The following OTC variants were observed in gnomAD, a reference collection of about 807,000 sequenced individuals.
OTC encodes the protein ornithine transcarbamylase.
Under a neutral mutation model 30.3 loss-of-function variants are expected in OTC, and 3 were observed. The observed-to-expected ratio is 0.10, with a 90% confidence interval of 0.05 to 0.26. The LOEUF (loss-of-function observed/expected upper bound fraction) is 0.26, where lower values mean the gene tolerates loss of function less well. Ranked by LOEUF, OTC falls within the 10% of genes least tolerant of loss-of-function variation. OTC has a pLI of 1.00. For synonymous variants in OTC, 111 were observed against 99.7 expected, an observed-to-expected ratio of 1.11 and a Z score of -0.67; for missense variants, 194 against 260.3, an observed-to-expected ratio of 0.75 and a Z score of 1.75.
chrX:38,390,094 T>C (rs1268962239), intron 4 of OTC, among the ~76,000 whole-genome samples: 2 of 112,097 alleles, frequency 1.8e-5, no homozygotes, highest in Non-Finnish European at 3.8e-5. Flanking sequence ...CTCTAAGGTC[T>C]TCAAACTTGG....
the OTC span, among the ~76,000 whole-genome samples, chrX:38,330,985 T>C: frequency 8.9e-6 from 1 of 111,930 alleles, no homozygotes; most frequent in African/African-American, 3.3e-5. Context: ...CTTACTAAAA[T>C]GCAAGTTCTA....
chrX:38,341,716 A>G, the OTC span, among the ~76,000 whole-genome samples: 3 of 111,640 alleles, frequency 2.7e-5, no homozygotes, highest in South Asian at 1.1e-3. Flanking sequence ...TTCATCTTAA[A>G]TGGGATAGGT....
intron 4 of OTC, among the ~76,000 whole-genome samples, chrX:38,387,199 C>T (rs1383252983): frequency 1.8e-5 from 2 of 111,383 alleles, no homozygotes; most frequent in Non-Finnish European, 3.8e-5. Flanking sequence ...TGGACATTAA[C>T]CCCTTGTGAG....
chrX:38,343,390 G>A, the OTC span, among the ~76,000 whole-genome samples: 1 of 111,948 alleles, frequency 8.9e-6, no homozygotes, highest in African/African-American at 3.3e-5. Context: ...TTCCAATGGG[G>A]AGGAATTGGA....
intron 1 of OTC, among the ~76,000 whole-genome samples, chrX:38,361,425 A>T (rs1187534044): frequency 8.9e-6 from 1 of 112,492 alleles, no homozygotes; most frequent in African/African-American, 3.2e-5. Flanking sequence ...GTAGATATAC[A>T]GCCAGAGGAA....
intron 1 of OTC, among the ~76,000 whole-genome samples, chrX:38,362,671 C>G (rs917445320): frequency 1.8e-5 from 2 of 111,749 alleles, no homozygotes; most frequent in Non-Finnish European, 3.8e-5. Context: ...TAACCCTAAC[C>G]CTAACTACAA....
rs745416482 is a variant in OTC at position 38,385,447 on chromosome X, G to A, written c.386+4018G>A. Reference sequence around the variant, plus strand: ...CCGGGTTATTTGTTGGTGGGGTGGCGGCTGCCTTAGATTGGGTGGTCAGGG... The same window carrying A: ...CCGGGTTATTTGTTGGTGGGGTGGCAGCTGCCTTAGATTGGGTGGTCAGGG... On this transcript the variant is annotated intron_variant, in intron 4 of 9. Coordinates refer to ENST00000039007, the MANE Select transcript of OTC (RefSeq NM_000531.6). Among the ~76,000 whole-genome samples the A allele has an allele frequency of 9.9e-5, 11 of 111,341 alleles. No homozygotes were observed. In the South Asian group the frequency reaches 1.9e-3, roughly 20 times the overall value.
chrX:38,345,971 G>T, the OTC span, among the ~76,000 whole-genome samples: 2 of 111,750 alleles, frequency 1.8e-5, no homozygotes, highest in East Asian at 5.6e-4. Flanking sequence ...AGTTAGTTCA[G>T]CCTCTGCCCA....
the OTC span, chrX:38,327,702 C>T: frequency 5.7e-6 from 2 of 350,729 alleles, no homozygotes; most frequent in Non-Finnish European, 9.8e-6. Context: ...GGCGGCCACG[C>T]CGCGCAGTGA....
intron 9 of OTC, among the ~76,000 whole-genome samples, chrX:38,414,792 G>A (rs1602036134): frequency 8.9e-6 from 1 of 111,763 alleles, no homozygotes; most frequent in African/African-American, 3.2e-5. Flanking sequence ...TTACACGGAC[G>A]CTAGAAAGGA....
rs1363470978 is a variant in OTC at position 38,421,272 on chromosome X, C to A, written c.*190C>A. The A allele has an allele frequency of 2.4e-6, 1 of 416,841 alleles. No individual in the cohort carries two copies. Among genetic ancestry groups the A allele is most frequent in the African/African-American group, 2.5e-5 (1 of 40,029 alleles). The allele number at this position is 416,841 out of a possible 1,213,427, so 34.4% of individuals were successfully genotyped here. A position where few individuals can be genotyped will look rare whatever the true frequency, so the allele number is the denominator to read the frequency against. On this transcript the variant is annotated 3_prime_UTR_variant, in exon 10 of 10. Transcript: ENST00000039007. ...ATTTAAGTGCTGATGCACTGTAATA[C>A]GTGCTTAACTTTGCTTAAACTCTCT...
the OTC span, among the ~76,000 whole-genome samples, chrX:38,332,502 TTTTATATATA>T: frequency 3.3e-3 from 55 of 16,431 alleles, 1 homozygote; most frequent in African/African-American, 0.014. Flanking sequence ...TAGCCCTAGA[TTTTATATATA>T]TATATATATA....
chrX:38,370,905 G>A (rs1322312224), intron 3 of OTC, among the ~76,000 whole-genome samples: 4 of 111,029 alleles, frequency 3.6e-5, no homozygotes, highest in Non-Finnish European at 7.5e-5. Context: ...TAGGCACAGA[G>A]GTACTACAAG....
At chrX:38,343,000 G>C in the OTC span, among the ~76,000 whole-genome samples, 1 of 112,073 alleles carries the variant, frequency 8.9e-6, no homozygotes, top group Admixed American at 9.4e-5. Flanking sequence ...CCCAAGTAGG[G>C]TCTGAAGAGA....
chrX:38,327,706 G>A, the OTC span: 1 of 349,635 alleles, frequency 2.9e-6, no homozygotes, highest in Non-Finnish European at 4.9e-6. Context: ...GCCACGCCGC[G>A]CAGTGATGCT....
At chrX:38,338,292 C>G in the OTC span, among the ~76,000 whole-genome samples, 4 of 112,338 alleles carry the variant, frequency 3.6e-5, no homozygotes, top group Non-Finnish European at 5.6e-5. Flanking sequence ...TGTCATTGAA[C>G]TCCTCATGCC....
intron 1 of OTC, among the ~76,000 whole-genome samples, chrX:38,364,791 C>CA (rs59159746): frequency 0.011 from 1,072 of 99,108 alleles, 8 homozygotes; most frequent in Middle Eastern, 0.021. Flanking sequence ...GACTCCATCT[C>CA]AAAAAAAAAA....
At chrX:38,350,934 C>T (rs1214020858), upstream of OTC, among the ~76,000 whole-genome samples, 1 of 112,081 alleles carries the variant, frequency 8.9e-6, no homozygotes, top group African/African-American at 3.2e-5. Context: ...AGGCTCCATG[C>T]AAACGTTCAA....
chrX:38,376,636 G>T (rs921780538), intron 3 of OTC, among the ~76,000 whole-genome samples: 1 of 111,862 alleles, frequency 8.9e-6, no homozygotes, highest in African/African-American at 3.3e-5. Context: ...GATAATGAAG[G>T]GATGGCAAAA....
Sources: allele counts gnomAD v4.1 joint callset (sites outside exome capture counted in the v4.1 genomes callset), GRCh38; gene constraint gnomAD v4.1.1; transcripts MANE v1.5; gene names NCBI Gene and HGNC (gene_info 2026-07-23, HGNC 2026-07-21).